KRT86: variants seen among roughly 807,000 people sequenced by gnomAD.
KRT86 encodes the protein keratin 86, also known as keratin, type II cuticular Hb6.
In KRT86, 30 loss-of-function variants were observed where a neutral mutation model predicts 41.2. The observed-to-expected ratio is 0.73, with a 90% CI of 0.54 to 0.99. The LOEUF is 0.99. KRT86 is among the 50% of genes least tolerant of loss of function. The pLI is 0.00. For missense variants in KRT86, 561 were observed against 571.4 expected (o/e 0.98, Z 0.19); for synonymous variants, 238 against 238.1 (o/e 1.00, Z 0.00).
intron 2 of KRT86, among the ~76,000 whole-genome samples, chr12:52,279,460 T>C (rs1439344478): frequency 6.6e-6 from 1 of 152,200 alleles, no homozygotes; most frequent in Non-Finnish European, 1.5e-5. Context: ...CCAGCTTACC[T>C]GGACCAAGAA....
At chr12:52,300,067 A>C (rs1938337265) in intron 2 of KRT86, among the ~76,000 whole-genome samples, 1 of 152,176 alleles carries the variant, frequency 6.6e-6, no homozygotes, top group Admixed American at 6.5e-5. Flanking sequence ...TAGTAGTTTC[A>C]TAGTCTGAGG....
Position 52,288,139 on chromosome 12 carries a change from T to C in KRT86, c.-5+12193T>C, listed in dbSNP as rs201895192. On this transcript the variant is annotated intron_variant, in intron 2 of 10. Transcript: ENST00000423955. ...GTGTCTGAGATGTGCGACTGGAGAA[T>C]GAGGATCTCCTGCAGGAGGTGAGGG... is the stretch of plus-strand genomic sequence containing the variant. The C allele has an allele frequency of 1.3e-3, 2,080 of 1,613,850 alleles. 3 individuals carry two copies. Among genetic ancestry groups the C allele is most frequent in the East Asian group, 3.2e-3 (142 of 44,864 alleles).
Position 52,287,465 on chromosome 12 carries a change from C to A in KRT86, c.-5+11519C>A, listed in dbSNP as rs1459610380. ...TTATCACCTGGGACTCATTGAGAGACCACGACCAGGGACTCTACATGGACA... is the reference window on the plus strand; with the variant it reads ...TTATCACCTGGGACTCATTGAGAGAACACGACCAGGGACTCTACATGGACA... On this transcript the variant is annotated intron_variant, in intron 2 of 10. Coordinates refer to ENST00000423955, the MANE Select transcript of KRT86 (RefSeq NM_001320198.2). 10 of 1,583,606 alleles carry A rather than the reference C, an allele frequency of 6.3e-6. No individual in the cohort carries two copies. In the African/African-American group the frequency reaches 1.2e-4, roughly 19 times the overall value.
intron 2 of KRT86, among the ~76,000 whole-genome samples, chr12:52,284,129 G>A (rs983859344): frequency 6.6e-6 from 1 of 152,186 alleles, no homozygotes; most frequent in Admixed American, 6.5e-5. Flanking sequence ...GGGAGGGATG[G>A]AGCTGGTGCT....
chr12:52,284,194 G>GT (rs1185475414), intron 2 of KRT86, among the ~76,000 whole-genome samples: 1 of 152,080 alleles, frequency 6.6e-6, no homozygotes, highest in East Asian at 1.9e-4. Flanking sequence ...GCTGCTTCTT[G>GT]TTTTTTTATT....
rs140609222 is a variant in KRT86 at position 52,285,548 on chromosome 12, A to G, written c.-5+9602A>G. 1.7e-3 allele frequency among the ~76,000 whole-genome samples: 253 copies of G among 152,288 alleles called. 1 individual carries two copies. Among genetic ancestry groups the G allele is most frequent in the African/African-American group, 6.0e-3 (249 of 41,556 alleles). On this transcript the variant is annotated intron_variant, in intron 2 of 10. Coordinates refer to ENST00000423955, the MANE Select transcript of KRT86 (RefSeq NM_001320198.2). Reference sequence around the variant, plus strand: ...TGATTTTCATGATCCATCAGTTTGCAGATATGCATGAGATGTTTTCTGAGA... The same window carrying G: ...TGATTTTCATGATCCATCAGTTTGCGGATATGCATGAGATGTTTTCTGAGA...
At chr12:52,288,367 A>C in intron 2 of KRT86, 1 of 1,613,866 alleles carries the variant, frequency 6.2e-7, no homozygotes, top group Admixed American at 1.7e-5. Flanking sequence ...GCACCTCCTC[A>C]TACAGCCGCC....
In KRT86 at chr12:52,308,601, G is replaced by A; in HGVS notation, c.*16G>A. On this transcript the variant is annotated 3_prime_UTR_variant, in exon 11 of 11. Coordinates refer to ENST00000423955, the MANE Select transcript of KRT86 (RefSeq NM_001320198.2). ...GAGGTGCTAGGAGGCTGCCGCCTCC[G>A]CCAGCGCCTGTCGCCGTCACTCTCC... 4 of 1,591,022 alleles carry A rather than the reference G, an allele frequency of 2.5e-6. No individual in the cohort carries two copies. Among genetic ancestry groups the A allele is most frequent in the Non-Finnish European group, 3.4e-6 (4 of 1,176,412 alleles).
At chr12:52,297,910 C>T (rs1222791312) in intron 2 of KRT86, among the ~76,000 whole-genome samples, 1 of 152,152 alleles carries the variant, frequency 6.6e-6, no homozygotes, top group Non-Finnish European at 1.5e-5. Context: ...GTCCATATCC[C>T]CCATCCTCAA....
chr12:52,308,490 G>A lies in KRT86; in HGVS notation c.1366G>A (p.Val456Ile), dbSNP rs780026281. ...TGTTGTCTCCACCAGAGTCAGTAGC[G>A]TCCCCAGCAACAGCAACGTGGTGGT... ...APVVSTRVSS[V>I]PSNSNVVVGT... Residue 456 changes from valine (V) to isoleucine (I), a missense_variant, in exon 11 of 11, where the codon GTC becomes ATC. Physicochemically the swap from Val to Ile is conservative, Grantham distance 29. Coordinates refer to ENST00000423955, the MANE Select transcript of KRT86 (RefSeq NM_001320198.2). The A allele has an allele frequency of 6.2e-7, 1 of 1,609,630 alleles. No homozygotes were observed. The highest frequency in any genetic ancestry group is 1.1e-5 in the South Asian group (1 of 91,080).
chr12:52,280,886 A>T (rs1444384885), intron 2 of KRT86, among the ~76,000 whole-genome samples: 1 of 152,092 alleles, frequency 6.6e-6, no homozygotes, highest in Non-Finnish European at 1.5e-5. Context: ...ACTTTGTGGG[A>T]ATTGTAGGCA....
rs139105799 is a variant in KRT86, at chr12:52,287,972, T to A, written c.-5+12026T>A. ...TGACACGTCTAGCAGGCAGGTGTCCTGTGCCACTCACCTTGCTGCGGTACC... is the reference window on the plus strand; with the variant it reads ...TGACACGTCTAGCAGGCAGGTGTCCAGTGCCACTCACCTTGCTGCGGTACC... On this transcript the variant is annotated intron_variant, in intron 2 of 10. Coordinates refer to ENST00000423955, the MANE Select transcript of KRT86 (RefSeq NM_001320198.2). 2.5e-6 allele frequency: 4 copies of A among 1,614,192 alleles called. No individual in the cohort carries two copies. The Admixed American group carries it at 5.0e-5, about 20-fold the overall frequency.
intron 2 of KRT86, among the ~76,000 whole-genome samples, chr12:52,299,311 T>C (rs1005111604): frequency 1.3e-5 from 2 of 152,252 alleles, no homozygotes; most frequent in African/African-American, 4.8e-5. Context: ...TAATATTCCA[T>C]TGTGTATCTG....
chr12:52,304,726 G>A (rs930127142), intron 5 of KRT86, among the ~76,000 whole-genome samples: 4 of 151,880 alleles, frequency 2.6e-5, no homozygotes, highest in Non-Finnish European at 5.9e-5. Flanking sequence ...AGGCTGGTGA[G>A]CCGTGCCCAA....
intron 2 of KRT86, chr12:52,301,666 T>G (rs1208001288): frequency 2.9e-5 from 7 of 238,140 alleles, no homozygotes; most frequent in African/African-American, 4.7e-5. Flanking sequence ...AAAACTGCAG[T>G]TTAGGGCAAG....
chr12:52,286,651 G>A, intron 2 of KRT86: 4 of 1,179,008 alleles, frequency 3.4e-6, no homozygotes, highest in Admixed American at 2.0e-5. Flanking sequence ...GGGTCTTTTG[G>A]ATGTCTGACC....
chr12:52,285,320 A>G (rs1937890461), intron 2 of KRT86, among the ~76,000 whole-genome samples: 1 of 151,746 alleles, frequency 6.6e-6, no homozygotes, highest in African/African-American at 2.4e-5. Flanking sequence ...AGGAAAATGT[A>G]TCAGCTGTGG....
intron 2 of KRT86, chr12:52,288,403 G>A (rs1443070336): frequency 6.2e-7 from 1 of 1,614,118 alleles, no homozygotes; most frequent in Non-Finnish European, 8.5e-7. Context: ...CCTGGATCAG[G>A]GCCTCCACGT....
chr12:52,287,013 AG>A, intron 2 of KRT86: 1 of 1,606,598 alleles, frequency 6.2e-7, no homozygotes, highest in South Asian at 1.1e-5. Context: ...TTTCCCCCAG[AG>A]CCCTGGCCAT....
Sources: allele counts gnomAD v4.1 joint callset (sites outside exome capture counted in the v4.1 genomes callset), GRCh38; gene constraint gnomAD v4.1.1; transcripts MANE v1.5; gene names NCBI Gene and HGNC (gene_info 2026-07-23, HGNC 2026-07-21).